The following TRIM55 variants were observed in gnomAD, a reference collection of about 807,000 sequenced individuals.
TRIM55 encodes tripartite motif containing 55.
A neutral mutation model predicts 60.9 loss-of-function variants in TRIM55; 50 were observed. The observed-to-expected ratio is 0.82, with a 90% CI of 0.65 to 1.04. The LOEUF (loss-of-function observed/expected upper bound fraction) is 1.04. Among genes scored for constraint, TRIM55 ranks in the 50% least tolerant of loss-of-function variants. The probability of loss-of-function intolerance (pLI) is 0.00; values close to 1 mark genes in which losing one functional copy is unlikely to be tolerated. For missense variants in TRIM55, 681 were observed against 666.9 expected, an observed-to-expected ratio of 1.02 and a Z score of -0.23; for synonymous variants, 237 against 238.1, an observed-to-expected ratio of 1.00 and a Z score of 0.04.
chr8:66,114,949 C>G, the TRIM55 span: 1 of 176,340 alleles, frequency 5.7e-6, no homozygotes, highest in Non-Finnish European at 1.2e-5. Context: ...TTTTGTGAAG[C>G]AAACACAAGA....
the TRIM55 span, among the ~76,000 whole-genome samples, chr8:66,119,948 C>A: frequency 3.3e-5 from 5 of 152,104 alleles, no homozygotes; most frequent in African/African-American, 1.2e-4. Flanking sequence ...CCATCATTAG[C>A]GGAAATTCTT....
intron 9 of TRIM55, among the ~76,000 whole-genome samples, chr8:66,164,792 T>TA (rs1811230787): frequency 6.6e-6 from 1 of 152,172 alleles, no homozygotes; most frequent in African/African-American, 2.4e-5. Context: ...GCAGTCCTCT[T>TA]AGTCTCCAAC....
intron 9 of TRIM55, among the ~76,000 whole-genome samples, chr8:66,171,480 T>C (rs1211852744): frequency 6.6e-6 from 1 of 152,234 alleles, no homozygotes; most frequent in Non-Finnish European, 1.5e-5. Context: ...AAGGTATCCC[T>C]GTCATTAAAA....
chr8:66,114,028 C>T, the TRIM55 span, among the ~76,000 whole-genome samples: 1 of 149,912 alleles, frequency 6.7e-6, no homozygotes, highest in African/African-American at 2.5e-5. Context: ...ACTGTAGGCG[C>T]GCGCCCGTGG....
At chr8:66,127,765 G>A (rs1022838216) in intron 1 of TRIM55, among the ~76,000 whole-genome samples, 9 of 152,184 alleles carry the variant, frequency 5.9e-5, no homozygotes, top group Non-Finnish European at 1.0e-4. Flanking sequence ...AACCCAGGAG[G>A]CGGACATTGC....
At chr8:66,165,531 A>G (rs925530600) in intron 9 of TRIM55, among the ~76,000 whole-genome samples, 9 of 152,220 alleles carry the variant, frequency 5.9e-5, no homozygotes, top group Non-Finnish European at 1.0e-4. Flanking sequence ...ACGGAAGTGA[A>G]TGAAAATTTA....
At chr8:66,138,294 G>C (rs1809601021) in intron 4 of TRIM55, among the ~76,000 whole-genome samples, 1 of 152,122 alleles carries the variant, frequency 6.6e-6, no homozygotes, top group Admixed American at 6.5e-5. Flanking sequence ...AATACGTATT[G>C]TGTTATATAC....
intron 9 of TRIM55, among the ~76,000 whole-genome samples, chr8:66,162,124 T>G (rs1360852972): frequency 3.9e-5 from 6 of 152,248 alleles, no homozygotes; most frequent in Admixed American, 2.0e-4. Flanking sequence ...TTTCAACTTC[T>G]CCCTGTTCAG....
chr8:66,172,583 T>C (rs887172295), intron 9 of TRIM55, among the ~76,000 whole-genome samples: 2 of 152,172 alleles, frequency 1.3e-5, no homozygotes, highest in Non-Finnish European at 2.9e-5. Flanking sequence ...CTAAAACATT[T>C]TAAATGGAAG....
chr8:66,152,612 T>A lies in TRIM55; in HGVS notation c.1221T>A (p.Asp407Glu), dbSNP rs1810502558. Residue 407 changes from aspartate to glutamate, a missense_variant, in exon 8 of 10, where the codon GAT (aspartate) becomes GAA (glutamate). Coordinates refer to ENST00000315962, the MANE Select transcript of TRIM55 (RefSeq NM_184085.2). ...EPPPALPPAA[D>E]APVTQGEVVP... is the part of the protein sequence containing the mutation. ...CTCCAGCCCTGCCACCTGCTGCGGATGCCCCTGTGACACAGGTAACCCCTC... is the reference window on the plus strand; with the variant it reads ...CTCCAGCCCTGCCACCTGCTGCGGAAGCCCCTGTGACACAGGTAACCCCTC... 1 of 1,614,070 alleles carries A rather than the reference T, an allele frequency of 6.2e-7. No individual in the cohort carries two copies. The highest frequency in any genetic ancestry group is 8.5e-7 in the Non-Finnish European group (1 of 1,179,974).
At chr8:66,119,649 G>T in the TRIM55 span, among the ~76,000 whole-genome samples, 1 of 152,170 alleles carries the variant, frequency 6.6e-6, no homozygotes, top group African/African-American at 2.4e-5. Flanking sequence ...TGGGGCGAGT[G>T]GGGATTCACA....
the TRIM55 span, among the ~76,000 whole-genome samples, chr8:66,117,023 C>T: frequency 2.6e-5 from 4 of 152,128 alleles, no homozygotes; most frequent in Admixed American, 6.5e-5. Context: ...TAACATTAAA[C>T]AGATTAAAGA....
At position 66,150,474 on chromosome 8, in the gene TRIM55, A is replaced by T; in HGVS notation, c.985+8A>T. On this transcript the variant is annotated splice_region_variant and intron_variant, in intron 7 of 9. Coordinates refer to ENST00000315962, the MANE Select transcript of TRIM55 (RefSeq NM_184085.2). ...AAATTGACTTTTACAGAGGTTTGTT[A>T]TTCTTTTGACCATTTGGCCGAAGTT... 6.2e-7 allele frequency: 1 copy of T among 1,613,882 alleles called. No individual in the cohort carries two copies. Among genetic ancestry groups the T allele is most frequent in the Non-Finnish European group, 8.5e-7 (1 of 1,179,896 alleles).
chr8:66,119,115 T>C, the TRIM55 span, among the ~76,000 whole-genome samples: 23 of 152,220 alleles, frequency 1.5e-4, no homozygotes, highest in Non-Finnish European at 2.9e-4. Context: ...CCAACTAAAC[T>C]TCCTTCTTCA....
intron 9 of TRIM55, among the ~76,000 whole-genome samples, chr8:66,165,425 T>TAA (rs879867650): frequency 6.8e-6 from 1 of 146,528 alleles, no homozygotes. Context: ...TACAAAGCAT[T>TAA]AAAAAAAAAA....
chr8:66,123,337 T>C (rs1808701560), upstream of TRIM55, among the ~76,000 whole-genome samples: 1 of 152,206 alleles, frequency 6.6e-6, no homozygotes. Context: ...CCTGACCACC[T>C]TGGGCACCTG....
At chr8:66,157,727 C>T (rs958882488) in intron 9 of TRIM55, among the ~76,000 whole-genome samples, 4 of 152,188 alleles carry the variant, frequency 2.6e-5, no homozygotes, top group African/African-American at 9.7e-5. Flanking sequence ...TGCTCTATTT[C>T]CTGGTGCTTT....
At chr8:66,165,196 C>T (rs1314861609) in intron 9 of TRIM55, among the ~76,000 whole-genome samples, 2 of 152,088 alleles carry the variant, frequency 1.3e-5, no homozygotes, top group African/African-American at 2.4e-5. Flanking sequence ...GCCAAAGTTC[C>T]AAGGAGGAGC....
chr8:66,125,136 T>G (rs1177095765), upstream of TRIM55, among the ~76,000 whole-genome samples: 2 of 152,248 alleles, frequency 1.3e-5, no homozygotes, highest in Non-Finnish European at 2.9e-5. Context: ...TCTTTTCCCT[T>G]TAAATATTAA....
Sources: allele counts gnomAD v4.1 joint callset (sites outside exome capture counted in the v4.1 genomes callset), GRCh38; gene constraint gnomAD v4.1.1; transcripts MANE v1.5; gene names NCBI Gene and HGNC (gene_info 2026-07-23, HGNC 2026-07-21).